Variants in CCDC7 observed in about 807,000 individuals in gnomAD.
The protein encoded by CCDC7 is coiled-coil domain containing 7.
Under a neutral mutation model 196.9 loss-of-function variants are expected in CCDC7, and 183 were observed. The ratio of observed to expected loss-of-function variants is 0.93; its 90% confidence interval spans 0.82 to 1.05. CCDC7 has a LOEUF of 1.05. Ranked by LOEUF, CCDC7 falls within the 50% of genes least tolerant of loss-of-function variation. CCDC7 has a pLI of 0.00. For synonymous variants in CCDC7, 525 were observed against 484.6 expected, an observed-to-expected ratio of 1.08 and a Z score of -1.10; for missense variants, 1,540 against 1,482.2, an observed-to-expected ratio of 1.04 and a Z score of -0.64.
At chr10:32,849,514 C>A (rs1019176626) in intron 39 of CCDC7, among the ~76,000 whole-genome samples, 4 of 151,814 alleles carry the variant, frequency 2.6e-5, no homozygotes, top group Admixed American at 1.3e-4. Flanking sequence ...ACCATCCTGG[C>A]CAACATGGTG....
intron 9 of CCDC7, among the ~76,000 whole-genome samples, chr10:32,509,613 G>A (rs1048527079): frequency 1.3e-5 from 2 of 151,620 alleles, no homozygotes; most frequent in East Asian, 3.9e-4. Flanking sequence ...AAAATGAAAT[G>A]GAAAACTATG....
At chr10:32,658,420 C>T (rs1025816950) in intron 20 of CCDC7, among the ~76,000 whole-genome samples, 2 of 143,860 alleles carry the variant, frequency 1.4e-5, no homozygotes, top group African/African-American at 5.3e-5. Context: ...AAGTGCTGTG[C>T]AAAGGGGGAA....
At chr10:32,865,190 T>C (rs574141056) in intron 41 of CCDC7, among the ~76,000 whole-genome samples, 1 of 151,942 alleles carries the variant, frequency 6.6e-6, no homozygotes, top group Non-Finnish European at 1.5e-5. Context: ...ATAATACATA[T>C]AGCTTATAAT....
chr10:32,671,948 T>G (rs1363525548), intron 21 of CCDC7, among the ~76,000 whole-genome samples: 1 of 152,188 alleles, frequency 6.6e-6, no homozygotes, highest in Non-Finnish European at 1.5e-5. Context: ...ACTATTAAAG[T>G]TCTTCTGATT....
At chr10:32,803,797 A>G (rs899464404) in intron 29 of CCDC7, among the ~76,000 whole-genome samples, 1 of 151,878 alleles carries the variant, frequency 6.6e-6, no homozygotes, top group Non-Finnish European at 1.5e-5. Flanking sequence ...ATTGTTTTGT[A>G]TATTTTTTAT....
At chr10:32,487,625 T>C (rs577296612) in intron 8 of CCDC7, among the ~76,000 whole-genome samples, 47 of 152,340 alleles carry the variant, frequency 3.1e-4, no homozygotes, top group African/African-American at 9.9e-4. Flanking sequence ...TTTATCTACC[T>C]TTGGTCTTTG....
chr10:32,598,676 T>C (rs543141895), intron 18 of CCDC7, among the ~76,000 whole-genome samples: 9 of 152,368 alleles, frequency 5.9e-5, no homozygotes, highest in East Asian at 3.9e-4. Flanking sequence ...GTGGGACCCA[T>C]TGGTAGTTTA....
chr10:32,738,323 T>C (rs2085216220), intron 28 of CCDC7, among the ~76,000 whole-genome samples: 1 of 152,112 alleles, frequency 6.6e-6, no homozygotes, highest in African/African-American at 2.4e-5. Flanking sequence ...GAATTCCCAT[T>C]TCCTGCCTTT....
intron 28 of CCDC7, among the ~76,000 whole-genome samples, chr10:32,770,616 T>C (rs559138937): frequency 6.6e-6 from 1 of 152,316 alleles, no homozygotes; most frequent in East Asian, 1.9e-4. Context: ...TTACTATAGA[T>C]ACCCATTAAG....
chr10:32,591,117 A>C (rs1266278349), intron 18 of CCDC7, among the ~76,000 whole-genome samples: 1 of 151,952 alleles, frequency 6.6e-6, no homozygotes, highest in Non-Finnish European at 1.5e-5. Flanking sequence ...GTAACTCTTA[A>C]ATTTGCCATT....
intron 32 of CCDC7, among the ~76,000 whole-genome samples, chr10:32,830,567 C>T (rs1454871660): frequency 6.6e-6 from 1 of 151,582 alleles, no homozygotes; most frequent in African/African-American, 2.4e-5. Context: ...AATGTCTCAC[C>T]GAATAGAGAA....
intron 3 of CCDC7, among the ~76,000 whole-genome samples, chr10:32,461,019 C>T (rs534899310): frequency 1.3e-5 from 2 of 152,144 alleles, no homozygotes; most frequent in African/African-American, 4.8e-5. Context: ...CCTGAATGCA[C>T]GTAGTAACAT....
At chr10:32,607,658 A>G (rs1755344562) in intron 18 of CCDC7, among the ~76,000 whole-genome samples, 2 of 152,132 alleles carry the variant, frequency 1.3e-5, no homozygotes, top group South Asian at 4.1e-4. Flanking sequence ...AATCATCTTT[A>G]TGTCCCTGAG....
upstream of CCDC7, chr10:32,451,496 G>C: frequency 8.3e-7 from 1 of 1,202,762 alleles, no homozygotes; most frequent in Non-Finnish European, 1.1e-6. Context: ...AATGTACTCT[G>C]AGCAAATTGC....
chr10:32,630,420 C>T (rs1208164055), intron 18 of CCDC7, among the ~76,000 whole-genome samples: 1 of 152,000 alleles, frequency 6.6e-6, no homozygotes, highest in African/African-American at 2.4e-5. Context: ...ATAGGGGCTT[C>T]CTTCCTTAAT....
Position 32,457,015 on chromosome 10 carries a change from T to C in CCDC7, c.456+681T>C, listed in dbSNP as rs544223020. Among the ~76,000 whole-genome samples the C allele has an allele frequency of 3.4e-5, 5 of 147,008 alleles. No homozygotes were observed. The East Asian group carries it at 6.3e-4, about 18-fold the overall frequency. The stretch of plus-strand genomic sequence containing the variant: ...CCTTGTGGTGGGAACATTCAAAATA[T>C]ATAAAATATATATATATATAATAAA... On this transcript the variant is annotated intron_variant, in intron 3 of 41. Transcript: ENST00000639629.
intron 2 of CCDC7, 45 bp from the exon 4 acceptor site, chr10:32,456,206 T>G: frequency 6.9e-7 from 1 of 1,453,114 alleles, no homozygotes; most frequent in Non-Finnish European, 9.2e-7. Flanking sequence ...GACATGCATA[T>G]GGATTCTTAA....
chr10:32,511,260 GC>G lies in CCDC7; in HGVS notation c.873-6684del, dbSNP rs1564505980. 815 of 624,830 alleles carry G rather than the reference GC, an allele frequency of 1.3e-3. 23 individuals are homozygous for G. The highest frequency in any genetic ancestry group is 2.9e-3 in the East Asian group (83 of 28,288). 38.7% of individuals were successfully genotyped at this position (624,830 alleles called of 1,614,324 possible). On this transcript the variant is annotated intron_variant, in intron 9 of 41. Coordinates refer to ENST00000639629, the Ensembl canonical transcript of CCDC7. ...CTGCCACAGAATTATTCTGTGGGGG[GC>G]GGGGGGGGCGGGGAAATGTACTTTT...
chr10:32,831,368 G>A (rs1392957755), intron 32 of CCDC7, among the ~76,000 whole-genome samples: 2 of 152,088 alleles, frequency 1.3e-5, no homozygotes. Context: ...CACTACAGTA[G>A]ACTTTATAAA....
Sources: allele counts gnomAD v4.1 joint callset (sites outside exome capture counted in the v4.1 genomes callset), GRCh38; gene constraint gnomAD v4.1.1; transcripts MANE v1.5; gene names NCBI Gene and HGNC (gene_info 2026-07-23, HGNC 2026-07-21).